Variants in DPYSL2 observed in about 807,000 individuals in gnomAD.
The protein encoded by DPYSL2 is dihydropyrimidinase like 2.
Under a neutral mutation model 69.9 loss-of-function variants are expected in DPYSL2, and 13 were observed. That is an observed-to-expected ratio of 0.19 (90% CI 0.12 to 0.30). The LOEUF is 0.30. DPYSL2 is among the 10% of genes least tolerant of loss of function. The pLI is 1.00. For missense variants in DPYSL2, 587 were observed against 918.9 expected (o/e 0.64, Z 4.67); for synonymous variants, 326 against 359.1 (o/e 0.91, Z 1.04).
At chr8:26,633,634 A>C (rs1802832486) in intron 7 of DPYSL2, among the ~76,000 whole-genome samples, 1 of 145,784 alleles carries the variant, frequency 6.9e-6, no homozygotes, top group South Asian at 2.2e-4. Flanking sequence ...TGCCTGGCTA[A>C]TTTTTTTTTT....
At chr8:26,608,732 G>A (rs916362798) in intron 3 of DPYSL2, among the ~76,000 whole-genome samples, 2 of 152,164 alleles carry the variant, frequency 1.3e-5, no homozygotes, top group African/African-American at 4.8e-5. Context: ...CCCTCAGCCC[G>A]AGATGAGAAG....
intron 1 of DPYSL2, among the ~76,000 whole-genome samples, chr8:26,545,345 C>T (rs1800749126): frequency 6.6e-6 from 1 of 152,272 alleles, no homozygotes; most frequent in East Asian, 1.9e-4. Flanking sequence ...AACTACTAAC[C>T]TATAACAGCA....
intron 7 of DPYSL2, among the ~76,000 whole-genome samples, chr8:26,634,082 C>T (rs987810897): frequency 6.6e-6 from 1 of 152,228 alleles, no homozygotes; most frequent in Non-Finnish European, 1.5e-5. Context: ...CTGTGTGTGG[C>T]GGTTCTCAAA....
chr8:26,531,588 C>T (rs904318576), intron 1 of DPYSL2, among the ~76,000 whole-genome samples: 7 of 152,130 alleles, frequency 4.6e-5, no homozygotes, highest in African/African-American at 1.4e-4. Flanking sequence ...GATCTGGGCT[C>T]CAGTGCCACA....
At position 26,584,055 on chromosome 8, in the gene DPYSL2, T is replaced by G. The variant is rs1006694475; in HGVS notation, c.628+72T>G. 5.4e-6 allele frequency: 8 copies of G among 1,475,756 alleles called. No individual in the cohort carries two copies. The African/African-American group carries it at 9.8e-5, about 18-fold the overall frequency. The allele number at this position is 1,475,756 out of a possible 1,614,324, so 91.4% of individuals were successfully genotyped here. Reference sequence around the variant, plus strand: ...GTTTGCAAATAAGTCTATTGTTTGATTCTCTCCTTCTAAAACTTGCTGTCC... The same window carrying G: ...GTTTGCAAATAAGTCTATTGTTTGAGTCTCTCCTTCTAAAACTTGCTGTCC... On this transcript the variant is annotated intron_variant, in intron 3 of 13. Transcript: ENST00000521913.
intron 8 of DPYSL2, among the ~76,000 whole-genome samples, chr8:26,638,679 A>G (rs1039644233): frequency 1.3e-5 from 2 of 152,208 alleles, no homozygotes; most frequent in East Asian, 3.8e-4. Flanking sequence ...CCAGGACCAG[A>G]CGACCTGGGG....
At chr8:26,523,629 T>C (rs116480387) in intron 1 of DPYSL2, among the ~76,000 whole-genome samples, 162 of 152,284 alleles carry the variant, frequency 1.1e-3, no homozygotes, top group African/African-American at 3.7e-3. Context: ...TTTGTTCATG[T>C]TGTAGCATGT....
In DPYSL2 at chr8:26,640,129, A is replaced by T. The variant is rs1197742059; in HGVS notation, c.1127-3310A>T. 6.6e-6 allele frequency among the ~76,000 whole-genome samples: 1 copy of T among 152,138 alleles called. No individual in the cohort carries two copies. Among genetic ancestry groups the T allele is most frequent in the African/African-American group, 2.4e-5 (1 of 41,426 alleles). On this transcript the variant is annotated intron_variant, in intron 8 of 13. Transcript: ENST00000521913. This position sits in a 1 kb window ranked among gnomAD's most constrained non-coding sequence, Gnocchi z 4.2. ...TGATTTCCCACAGTTCCCACTTTGG[A>T]TTTGTTCTCCTGCTTCTCGTCCATG...
In DPYSL2 at chr8:26,517,681, A is replaced by G. The variant is rs1206422832; in HGVS notation, c.354+3002A>G. ...GCTCCACCAGCAATACTGGACCATA[A>G]GAATGCTTTTCAAAGGGGCCTCTAG... On this transcript the variant is annotated intron_variant, in intron 1 of 13. Transcript: ENST00000521913. The surrounding 1 kb of genome is among the most constrained non-coding windows in gnomAD (Gnocchi z 4.2). Among the ~76,000 whole-genome samples, 1 of 152,224 alleles carries G rather than the reference A, an allele frequency of 6.6e-6. No individual in the cohort carries two copies. The highest frequency in any genetic ancestry group is 1.5e-5 in the Non-Finnish European group (1 of 68,046).
At position 26,585,796 on chromosome 8, in the gene DPYSL2, A is replaced by T. The variant is rs1269755795; in HGVS notation, c.628+1813A>T. Among the ~76,000 whole-genome samples the T allele has an allele frequency of 6.6e-6, 1 of 152,198 alleles. No homozygotes were observed. The highest frequency in any genetic ancestry group is 1.5e-5 in the Non-Finnish European group (1 of 68,034). On this transcript the variant is annotated intron_variant, in intron 3 of 13. Transcript: ENST00000521913. This position sits in a 1 kb window ranked among gnomAD's most constrained non-coding sequence, Gnocchi z 4.0. Reference sequence around the variant, plus strand: ...CTGCAGGCCCCTGGATTGGTCACAGACAGTCAATAAGCCATTAAAAACAAT... The same window carrying T: ...CTGCAGGCCCCTGGATTGGTCACAGTCAGTCAATAAGCCATTAAAAACAAT...
At chr8:26,583,670 C>A in intron 2 of DPYSL2, 129 bp from the exon 3 acceptor site, 1 of 823,260 alleles carries the variant, frequency 1.2e-6, no homozygotes, top group Non-Finnish European at 1.9e-6. Flanking sequence ...TATTATGAAT[C>A]GTAACAATGA....
chr8:26,583,463 T>TGA (rs1801532753), intron 2 of DPYSL2, among the ~76,000 whole-genome samples: 1 of 152,208 alleles, frequency 6.6e-6, no homozygotes, highest in Non-Finnish European at 1.5e-5. Context: ...ATAGGATAAT[T>TGA]AGCTCAATTG....
At chr8:26,550,178 A>G (rs1461416009) in intron 1 of DPYSL2, among the ~76,000 whole-genome samples, 3 of 152,198 alleles carry the variant, frequency 2.0e-5, no homozygotes, top group African/African-American at 7.2e-5. Context: ...CTCTGCTGTA[A>G]GGTATGTGCA....
chr8:26,559,100 G>A (rs1166255670), intron 1 of DPYSL2, among the ~76,000 whole-genome samples: 4 of 151,992 alleles, frequency 2.6e-5, no homozygotes, highest in East Asian at 1.9e-4. Flanking sequence ...ACGCCACCAC[G>A]CCTGGCTAAT....
chr8:26,524,168 C>A (rs907694473), intron 1 of DPYSL2, among the ~76,000 whole-genome samples: 5 of 152,162 alleles, frequency 3.3e-5, no homozygotes, highest in Admixed American at 1.3e-4. Flanking sequence ...TCTCCACATC[C>A]TCGCCTATAC....
Position 26,543,983 on chromosome 8 carries a change from C to A in DPYSL2, c.354+29304C>A, listed in dbSNP as rs150229422. On this transcript the variant is annotated intron_variant, in intron 1 of 13. Transcript: ENST00000521913. Reference sequence around the variant, plus strand: ...AAATAGGAACATTCTAGCCTAGAACCTTTTTCCTTCCTACTTCTGTCAACC... The same window carrying A: ...AAATAGGAACATTCTAGCCTAGAACATTTTTCCTTCCTACTTCTGTCAACC... 3.2e-3 allele frequency among the ~76,000 whole-genome samples: 480 copies of A among 152,278 alleles called. 1 individual carries two copies. The highest frequency in any genetic ancestry group is 0.01 in the African/African-American group (430 of 41,542).
intron 3 of DPYSL2, among the ~76,000 whole-genome samples, chr8:26,599,995 A>G (rs151189355): frequency 4.6e-5 from 7 of 152,320 alleles, no homozygotes; most frequent in African/African-American, 1.7e-4. Context: ...GACATTTCAT[A>G]TAAATGGAAT....
At chr8:26,607,651 A>G (rs893550640) in intron 3 of DPYSL2, among the ~76,000 whole-genome samples, 1 of 151,204 alleles carries the variant, frequency 6.6e-6, no homozygotes, top group Non-Finnish European at 1.5e-5. Flanking sequence ...TTACCTGGAC[A>G]TGGTTTTGTG....
chr8:26,636,442 A>T (rs1176924094), intron 8 of DPYSL2, among the ~76,000 whole-genome samples: 1 of 152,226 alleles, frequency 6.6e-6, no homozygotes, highest in Non-Finnish European at 1.5e-5. Context: ...CTGTACCTAG[A>T]TGATGATGAT....
Sources: allele counts gnomAD v4.1 joint callset (sites outside exome capture counted in the v4.1 genomes callset), GRCh38; gene constraint gnomAD v4.1.1; non-coding constraint Gnocchi (gnomAD v3.1); transcripts MANE v1.5; gene names NCBI Gene and HGNC (gene_info 2026-07-23, HGNC 2026-07-21).